Variants in BAZ1A observed in about 807,000 individuals in gnomAD.
BAZ1A encodes bromodomain adjacent to zinc finger domain protein 1A.
In BAZ1A, 50 loss-of-function variants were observed where a neutral mutation model predicts 185.2. The observed-to-expected ratio is 0.27, with a 90% CI of 0.22 to 0.34. BAZ1A has a LOEUF of 0.34. Ranked by LOEUF, BAZ1A falls within the 10% of genes least tolerant of loss-of-function variation. The pLI, the probability that BAZ1A is intolerant of heterozygous loss-of-function variation, is 1.00. For missense variants in BAZ1A, 1,356 were observed against 1,839.9 expected (o/e 0.74, Z 4.81); for synonymous variants, 571 against 615.6 (o/e 0.93, Z 1.07).
intron 25 of BAZ1A, among the ~76,000 whole-genome samples, chr14:34,755,969 C>T (rs1326628182): frequency 6.6e-6 from 1 of 151,140 alleles, no homozygotes. Context: ...TAAAGTCATG[C>T]ACCACCACAC....
intron 24 of BAZ1A, among the ~76,000 whole-genome samples, chr14:34,760,920 ATTTC>A (rs1189863990): frequency 7.2e-5 from 11 of 152,122 alleles, no homozygotes; most frequent in East Asian, 5.8e-4. Flanking sequence ...GAGATTATGA[ATTTC>A]TTTATGAATA....
intron 3 of BAZ1A, among the ~76,000 whole-genome samples, chr14:34,858,107 A>G (rs551631923): frequency 4.6e-5 from 7 of 151,770 alleles, no homozygotes; most frequent in Admixed American, 4.6e-4. Flanking sequence ...ACCACCAACA[A>G]CAAAATAAAT....
At chr14:34,840,956 T>A (rs11454622) in intron 3 of BAZ1A, among the ~76,000 whole-genome samples, 32 of 27,694 alleles carry the variant, frequency 1.2e-3, no homozygotes, top group African/African-American at 2.8e-3. Flanking sequence ...AAATCAATAT[T>A]TTTTTTTTTG....
intron 20 of BAZ1A, 126 bp downstream of exon 20, chr14:34,773,446 C>T: frequency 1.3e-6 from 1 of 782,248 alleles, no homozygotes; most frequent in Non-Finnish European, 1.9e-6. Flanking sequence ...TTACAAATAT[C>T]AAGGTCCTCA....
chr14:34,866,385 G>C lies in BAZ1A; in HGVS notation c.114-4063C>G, dbSNP rs1211269499. On this transcript the variant is annotated intron_variant, in intron 2 of 26. Transcript: ENST00000360310. ...TGCCTGTAGTCCTAGCTACTCAGGA[G>C]GCTGAGGCAGGAGGAGCACTTCAGC... is the stretch of plus-strand genomic sequence containing the variant. 2.6e-5 allele frequency among the ~76,000 whole-genome samples: 4 copies of C among 151,592 alleles called. No individual in the cohort carries two copies. In the East Asian group the frequency reaches 7.7e-4, roughly 29 times the overall value.
intron 3 of BAZ1A, among the ~76,000 whole-genome samples, chr14:34,832,533 A>G (rs564484472): frequency 6.6e-6 from 1 of 152,176 alleles, no homozygotes; most frequent in South Asian, 2.1e-4. Flanking sequence ...AGATACAAAC[A>G]GCAATAAGCA....
intron 4 of BAZ1A, among the ~76,000 whole-genome samples, chr14:34,821,981 T>A (rs1287964141): frequency 1.4e-5 from 2 of 147,968 alleles, no homozygotes; most frequent in Non-Finnish European, 3.0e-5. Context: ...CAAAACCCCA[T>A]CTCAAAATAA....
intron 3 of BAZ1A, among the ~76,000 whole-genome samples, chr14:34,833,701 G>T (rs1403422277): frequency 6.6e-6 from 1 of 152,018 alleles, no homozygotes; most frequent in African/African-American, 2.4e-5. Context: ...GGATAGAATG[G>T]GGAGTTATTG....
intron 12 of BAZ1A, among the ~76,000 whole-genome samples, chr14:34,787,740 A>C (rs558074813): frequency 6.6e-6 from 1 of 152,336 alleles, no homozygotes; most frequent in Admixed American, 6.5e-5. Context: ...TGAATTTTCT[A>C]AATAAACTGC....
chr14:34,787,590 T>C (rs1242197081), intron 12 of BAZ1A, among the ~76,000 whole-genome samples: 2 of 146,400 alleles, frequency 1.4e-5, no homozygotes, highest in Non-Finnish European at 3.0e-5. Flanking sequence ...GGCTGAGGCA[T>C]GAGAATCACT....
At chr14:34,873,574 A>G (rs899718603) in intron 2 of BAZ1A, among the ~76,000 whole-genome samples, 9 of 151,868 alleles carry the variant, frequency 5.9e-5, no homozygotes, top group African/African-American at 2.2e-4. Context: ...GCGCAGGGGG[A>G]TAAAGCGGCG....
intron 18 of BAZ1A, 117 bp downstream of exon 18, chr14:34,775,802 A>G (rs1879559496): frequency 1.3e-5 from 10 of 766,098 alleles, no homozygotes; most frequent in Middle Eastern, 6.6e-4. Flanking sequence ...GACAGCCTAA[A>G]TCAAAGATAA....
At chr14:34,831,902 A>G (rs978472927) in intron 3 of BAZ1A, among the ~76,000 whole-genome samples, 11 of 152,126 alleles carry the variant, frequency 7.2e-5, no homozygotes, top group South Asian at 2.1e-4. Context: ...AAAAAAGGTT[A>G]TAAGAGAATA....
rs557001918 is a variant in BAZ1A at position 34,793,059 on chromosome 14, T to C, written c.1364-138A>G. On this transcript the variant is annotated intron_variant, in intron 11 of 26. Transcript: ENST00000360310. ...ATCAATTTATGAAAGTATAACCAAGTATTATCCAAGCCAAAATAAGAATTT... is the reference window on the plus strand; with the variant it reads ...ATCAATTTATGAAAGTATAACCAAGCATTATCCAAGCCAAAATAAGAATTT... The C allele has an allele frequency of 1.5e-4, 119 of 774,238 alleles. No individual in the cohort carries two copies. In the Middle Eastern group the frequency reaches 2.4e-3, roughly 15 times the overall value. The allele number at this position is 774,238 out of a possible 1,614,324, so 48.0% of individuals were successfully genotyped here.
At chr14:34,828,293 C>CAAAAACAA (rs2042191335) in intron 3 of BAZ1A, among the ~76,000 whole-genome samples, 1 of 83,558 alleles carries the variant, frequency 1.2e-5, no homozygotes, top group Non-Finnish European at 2.2e-5. Flanking sequence ...AACTCCGTCT[C>CAAAAACAA]AAAAAAAAAA....
At position 34,764,168 on chromosome 14, in the gene BAZ1A, A is replaced by G. The variant is rs116364629; in HGVS notation, c.3776+539T>C. Among the ~76,000 whole-genome samples, 939 of 152,190 alleles carry G rather than the reference A, an allele frequency of 6.2e-3. 16 individuals are homozygous for G. Among genetic ancestry groups the G allele is most frequent in the African/African-American group, 0.022 (907 of 41,512 alleles). ...AGAAGTATAAAAATACAGTGCATTT[A>G]TCACTCTCTCTCAGATTCCCCAAAT... is the stretch of plus-strand genomic sequence containing the variant. On this transcript the variant is annotated intron_variant, in intron 23 of 26. Transcript: ENST00000360310.
chr14:34,779,485 A>C (rs1344939122), intron 17 of BAZ1A, among the ~76,000 whole-genome samples: 1 of 152,122 alleles, frequency 6.6e-6, no homozygotes, highest in Non-Finnish European at 1.5e-5. Context: ...ATTGCATTGT[A>C]ATCAGACAAT....
rs1487403060 is a variant in BAZ1A, at chr14:34,771,537, T to G, written c.3275A>C (p.Glu1092Ala). The G allele has an allele frequency of 1.9e-6, 3 of 1,612,142 alleles. No individual in the cohort carries two copies. Among genetic ancestry groups the G allele is most frequent in the Non-Finnish European group, 1.7e-6 (2 of 1,179,494 alleles). The change falls in exon 21 of 27, where the codon GAG becomes GCG. Residue 1092 changes from glutamate (E) to alanine (A), a missense_variant. Coordinates refer to ENST00000360310, the MANE Select transcript of BAZ1A (RefSeq NM_013448.3). ...AAGTGGAGCTTTCAGAAAACGCCGC[T>G]CAATGCCCTGCTCTATTTGAAAGAG... Reference protein sequence around the residue: ...MALFQIEQGIERRFLKAPLDA... With the variant: ...MALFQIEQGIARRFLKAPLDA...
At chr14:34,791,189 A>G (rs1164297133) in intron 12 of BAZ1A, among the ~76,000 whole-genome samples, 6 of 151,988 alleles carry the variant, frequency 3.9e-5, no homozygotes, top group Non-Finnish European at 5.9e-5. Flanking sequence ...TCAAACACCA[A>G]CCATTGCTTA....
Sources: allele counts gnomAD v4.1 joint callset (sites outside exome capture counted in the v4.1 genomes callset), GRCh38; gene constraint gnomAD v4.1.1; transcripts MANE v1.5; gene names NCBI Gene and HGNC (gene_info 2026-07-23, HGNC 2026-07-21).